Variants in COL14A1 observed in about 807,000 individuals in gnomAD.
COL14A1 encodes collagen alpha-1(XIV) chain.
In COL14A1, 136 loss-of-function variants were observed where a neutral mutation model predicts 230.3. The observed-to-expected ratio is 0.59, with a 90% CI of 0.51 to 0.68. COL14A1 has a LOEUF of 0.68. Ranked by LOEUF, COL14A1 falls within the 30% of genes least tolerant of loss-of-function variation. COL14A1 has a pLI of 0.00. For missense variants in COL14A1, 1,976 were observed against 2,215.8 expected (o/e 0.89, Z 2.17); for synonymous variants, 792 against 784.1 (o/e 1.01, Z -0.17).
At chr8:120,278,615 T>A (rs773881000) in intron 28 of COL14A1, 37 bp downstream of exon 28, 22 of 1,572,810 alleles carry the variant, frequency 1.4e-5, no homozygotes, top group Non-Finnish European at 1.9e-5. Context: ...CCAAATATGA[T>A]GTTAGAATTG....
At chr8:120,286,270 A>G (rs1820199788) in intron 33 of COL14A1, among the ~76,000 whole-genome samples, 1 of 152,100 alleles carries the variant, frequency 6.6e-6, no homozygotes, top group Non-Finnish European at 1.5e-5. Context: ...CTCATTTGCT[A>G]CATTAGGTGC....
chr8:120,148,297 TA>T (rs1489597047), intron 2 of COL14A1, among the ~76,000 whole-genome samples: 1 of 151,942 alleles, frequency 6.6e-6, no homozygotes, highest in Non-Finnish European at 1.5e-5. Flanking sequence ...CATGCCTGGA[TA>T]ATTTTTGTAT....
At chr8:120,246,498 A>G (rs1474919149) in intron 20 of COL14A1, among the ~76,000 whole-genome samples, 2 of 152,230 alleles carry the variant, frequency 1.3e-5, no homozygotes, top group Non-Finnish European at 2.9e-5. Flanking sequence ...TGAAAACCAA[A>G]ATCACAGACT....
intron 1 of COL14A1, among the ~76,000 whole-genome samples, chr8:120,135,889 A>AT (rs1485573598): frequency 1.3e-5 from 2 of 151,718 alleles, no homozygotes; most frequent in Non-Finnish European, 2.9e-5. Context: ...TAAATTTAAA[A>AT]TTTTTTTCTT....
chr8:120,296,012 A>G (rs1230211714), intron 34 of COL14A1, among the ~76,000 whole-genome samples: 1 of 151,922 alleles, frequency 6.6e-6, no homozygotes, highest in Non-Finnish European at 1.5e-5. Context: ...AAATGTTTTA[A>G]TTTTATTAGG....
chr8:120,148,959 A>G (rs1222130321), intron 2 of COL14A1, among the ~76,000 whole-genome samples: 1 of 152,212 alleles, frequency 6.6e-6, no homozygotes, highest in Non-Finnish European at 1.5e-5. Flanking sequence ...ACATTTGTTT[A>G]CATATTGTCT....
intron 1 of COL14A1, among the ~76,000 whole-genome samples, chr8:120,140,046 C>T (rs899122305): frequency 1.3e-5 from 2 of 150,100 alleles, no homozygotes; most frequent in Admixed American, 7.1e-5. Context: ...ATCAAAATAA[C>T]AACAACAATA....
At position 120,228,353 on chromosome 8, in the gene COL14A1, C is replaced by T. The variant is rs150535022; in HGVS notation, c.2138-357C>T. Among the ~76,000 whole-genome samples the T allele has an allele frequency of 8.9e-3, 1,356 of 152,298 alleles. 13 individuals carry two copies. The highest frequency in any genetic ancestry group is 0.031 in the African/African-American group (1,292 of 41,550). On this transcript the variant is annotated intron_variant, in intron 17 of 47. Coordinates refer to ENST00000297848, the MANE Select transcript of COL14A1 (RefSeq NM_021110.4). Reference sequence around the variant, plus strand: ...ATTCCGTGGTGGTCCTGTTTGGCAGCCTTTTCACAACTTGGTCTACAGCAC... The same window carrying T: ...ATTCCGTGGTGGTCCTGTTTGGCAGTCTTTTCACAACTTGGTCTACAGCAC...
chr8:120,305,103 C>A (rs1022250201), intron 36 of COL14A1, among the ~76,000 whole-genome samples: 1 of 151,946 alleles, frequency 6.6e-6, no homozygotes, highest in African/African-American at 2.4e-5. Context: ...CTCAGCCTCC[C>A]GAGTAGCTGG....
At chr8:120,297,369 T>C in intron 34 of COL14A1, 142 bp from the exon 35 acceptor site, 1 of 391,776 alleles carries the variant, frequency 2.6e-6, no homozygotes, top group Non-Finnish European at 4.4e-6. Context: ...TAGTTTGACA[T>C]TGTTGGAGTT....
At chr8:120,300,975 G>T (rs574763384) in intron 36 of COL14A1, among the ~76,000 whole-genome samples, 157 bp downstream of exon 36, 2 of 152,200 alleles carry the variant, frequency 1.3e-5, no homozygotes, top group South Asian at 4.1e-4. Context: ...CTTGATTAAA[G>T]AACACAGCTT....
intron 19 of COL14A1, among the ~76,000 whole-genome samples, chr8:120,243,153 C>CT (rs1818656251): frequency 6.6e-6 from 1 of 152,168 alleles, no homozygotes; most frequent in Admixed American, 6.5e-5. Flanking sequence ...CCAGACGATT[C>CT]TTTTCGAGGT....
At chr8:120,342,638 A>C (rs1261812738) in intron 44 of COL14A1, among the ~76,000 whole-genome samples, 192 bp downstream of exon 44, 1 of 152,172 alleles carries the variant, frequency 6.6e-6, no homozygotes, top group Non-Finnish European at 1.5e-5. Context: ...CTCTACATCG[A>C]TGGTACAAAA....
intron 1 of COL14A1, among the ~76,000 whole-genome samples, chr8:120,133,181 A>T (rs922953370): frequency 6.6e-6 from 1 of 151,436 alleles, no homozygotes; most frequent in Non-Finnish European, 1.5e-5. Context: ...GCGCCACTGC[A>T]CTCCAGCCTG....
intron 45 of COL14A1, among the ~76,000 whole-genome samples, 159 bp downstream of exon 45, chr8:120,345,722 T>C (rs1248100150): frequency 6.6e-6 from 1 of 152,138 alleles, no homozygotes; most frequent in Non-Finnish European, 1.5e-5. Flanking sequence ...ATCTCTGAGA[T>C]TGAGAAAATT....
intron 14 of COL14A1, among the ~76,000 whole-genome samples, 187 bp downstream of exon 14, chr8:120,216,677 C>A (rs1278766228): frequency 6.6e-6 from 1 of 152,076 alleles, no homozygotes; most frequent in Admixed American, 6.5e-5. Context: ...AGGGGTGCTC[C>A]CCAGTGAGGT....
intron 40 of COL14A1, among the ~76,000 whole-genome samples, chr8:120,323,178 CT>C: frequency 6.6e-6 from 1 of 151,752 alleles, no homozygotes; most frequent in East Asian, 1.9e-4. Flanking sequence ...TGATGTTGAG[CT>C]TTTTTTTCAT....
chr8:120,260,029 AATTTTTAAATGTTATC>A (rs968130070), intron 23 of COL14A1, among the ~76,000 whole-genome samples: 2 of 152,168 alleles, frequency 1.3e-5, no homozygotes, highest in Admixed American at 6.5e-5. Flanking sequence ...ACACTTTAAC[AATTTTTAAATGTTATC>A]ATTTTTCATA....
At chr8:120,173,174 T>G (rs1286086366) in intron 5 of COL14A1, among the ~76,000 whole-genome samples, 1 of 152,194 alleles carries the variant, frequency 6.6e-6, no homozygotes, top group Non-Finnish European at 1.5e-5. Flanking sequence ...TGTTTTTCTT[T>G]TCATATGAGT....
Sources: allele counts gnomAD v4.1 joint callset (sites outside exome capture counted in the v4.1 genomes callset), GRCh38; gene constraint gnomAD v4.1.1; transcripts MANE v1.5; gene names NCBI Gene and HGNC (gene_info 2026-07-23, HGNC 2026-07-21).